Variants in LRBA observed in about 807,000 individuals in gnomAD.
LRBA encodes LPS responsive beige-like anchor protein.
A neutral mutation model predicts 330.0 loss-of-function variants in LRBA; 176 were observed. The observed-to-expected ratio is 0.53, with a 90% CI of 0.47 to 0.60. LRBA has a LOEUF of 0.60. Among genes scored for constraint, LRBA ranks in the 20% least tolerant of loss-of-function variants. LRBA has a pLI of 0.00. For missense variants in LRBA, 3,259 were observed against 3,444.8 expected, an observed-to-expected ratio of 0.95 and a Z score of 1.35; for synonymous variants, 1,230 against 1,193.0, an observed-to-expected ratio of 1.03 and a Z score of -0.64.
chr4:150,963,369 T>C (rs1351365069), intron 2 of LRBA, among the ~76,000 whole-genome samples: 3 of 149,588 alleles, frequency 2.0e-5, no homozygotes, highest in South Asian at 4.1e-4. Context: ...TATTTTTTGG[T>C]GGAGACGGGG....
At chr4:150,938,781 C>G (rs181140647) in intron 2 of LRBA, among the ~76,000 whole-genome samples, 7 of 152,228 alleles carry the variant, frequency 4.6e-5, no homozygotes, top group African/African-American at 1.7e-4. Context: ...GCCACACTAG[C>G]CCGCTACCCA....
chr4:150,934,963 G>A (rs1734931193), intron 2 of LRBA, among the ~76,000 whole-genome samples: 1 of 151,028 alleles, frequency 6.6e-6, no homozygotes, highest in Non-Finnish European at 1.5e-5. Flanking sequence ...AGCCGAGATC[G>A]CGCCATTGCA....
intron 37 of LRBA, among the ~76,000 whole-genome samples, chr4:150,613,779 C>A (rs913523836): frequency 1.3e-5 from 2 of 152,216 alleles, no homozygotes; most frequent in Non-Finnish European, 2.9e-5. Context: ...CAGTTATGCT[C>A]TTTGCACATT....
intron 17 of LRBA, among the ~76,000 whole-genome samples, chr4:150,879,445 G>A (rs897766072): frequency 2.0e-5 from 3 of 152,070 alleles, no homozygotes; most frequent in African/African-American, 7.2e-5. Flanking sequence ...GCATTCCTTT[G>A]AGAACTGGAG....
chr4:150,584,677 ATTACT>A (rs2126411492), intron 40 of LRBA: 1 of 167,172 alleles, frequency 6.0e-6, no homozygotes, highest in African/African-American at 2.4e-5. Context: ...TAATAAAAAC[ATTACT>A]TTACATTGTA....
chr4:150,693,371 G>A (rs1345153847), intron 36 of LRBA, among the ~76,000 whole-genome samples: 3 of 151,592 alleles, frequency 2.0e-5, no homozygotes, highest in Non-Finnish European at 4.4e-5. Context: ...AGACCATCCC[G>A]GCTAAAACGG....
At chr4:150,514,909 T>C (rs1762182564) in intron 40 of LRBA, among the ~76,000 whole-genome samples, 1 of 152,164 alleles carries the variant, frequency 6.6e-6, no homozygotes, top group Admixed American at 6.5e-5. Flanking sequence ...CCTGGTAGTG[T>C]ACTAGGAGGC....
chr4:150,605,357 T>C (rs1383216903), intron 37 of LRBA, among the ~76,000 whole-genome samples: 2 of 152,144 alleles, frequency 1.3e-5, no homozygotes, highest in African/African-American at 4.8e-5. Context: ...ATTAGAAAAT[T>C]TTCCCATTTT....
chr4:150,327,236 T>C (rs1335276088), intron 48 of LRBA, among the ~76,000 whole-genome samples: 1 of 151,958 alleles, frequency 6.6e-6, no homozygotes, highest in Non-Finnish European at 1.5e-5. Context: ...ACGGCCTACA[T>C]AGTAAGACCC....
At chr4:150,708,976 G>T (rs1488894631) in intron 36 of LRBA, among the ~76,000 whole-genome samples, 1 of 151,650 alleles carries the variant, frequency 6.6e-6, no homozygotes, top group African/African-American at 2.4e-5. Context: ...GGCTATTCAT[G>T]ACCTTTAAAT....
Position 150,817,155 on chromosome 4 carries a change from G to A in LRBA, c.5274C>T (p.Ala1758=). The A allele has an allele frequency of 6.2e-7, 1 of 1,611,990 alleles. No homozygotes were observed. The highest frequency in any genetic ancestry group is 8.5e-7 in the Non-Finnish European group (1 of 1,178,584). ...ATTCTCCTCCCATATCTGAGGCTTG[G>A]GCTGAATCTACTGAGGAAACCACAC... is the stretch of plus-strand genomic sequence containing the variant. ...AVSVVSSVDS[A]QASDMGGESP... The change falls in exon 31 of 57, where the codon GCC becomes GCT. Residue 1758 remains alanine, a synonymous_variant. Transcript: ENST00000651943.
intron 46 of LRBA, 36 bp downstream of exon 46, chr4:150,435,553 T>C: frequency 6.3e-7 from 1 of 1,581,262 alleles, no homozygotes; most frequent in Non-Finnish European, 8.6e-7. Context: ...AGTAATGCAC[T>C]GGCAATAACA....
At chr4:150,487,014 C>T (rs1757958083) in intron 42 of LRBA, among the ~76,000 whole-genome samples, 1 of 151,760 alleles carries the variant, frequency 6.6e-6, no homozygotes, top group Admixed American at 6.6e-5. Flanking sequence ...ATATATACAA[C>T]CAAAATTTCT....
At chr4:150,549,478 C>T (rs1465391647) in intron 40 of LRBA, among the ~76,000 whole-genome samples, 2 of 151,880 alleles carry the variant, frequency 1.3e-5, no homozygotes, top group East Asian at 3.9e-4. Context: ...ACTACAGGTG[C>T]CCGTCACCAC....
intron 48 of LRBA, among the ~76,000 whole-genome samples, chr4:150,326,234 T>C (rs549530059): frequency 6.6e-6 from 1 of 152,306 alleles, no homozygotes; most frequent in Admixed American, 6.5e-5. Flanking sequence ...TCCCCAATGA[T>C]GAAAAGCTAA....
intron 37 of LRBA, among the ~76,000 whole-genome samples, chr4:150,673,301 T>A (rs2126875076): frequency 6.6e-6 from 1 of 152,332 alleles, no homozygotes; most frequent in African/African-American, 2.4e-5. Flanking sequence ...GAATTTCTAA[T>A]TCGGCATATA....
At chr4:150,412,436 C>T (rs17504442) in intron 47 of LRBA, among the ~76,000 whole-genome samples, 23,581 of 152,110 alleles carry the variant, frequency 0.16, 1,833 homozygotes, top group Non-Finnish European at 0.17. Context: ...ACGTAAACCA[C>T]AATCTTCTTT....
chr4:150,964,240 G>A (rs1413783185), intron 2 of LRBA, among the ~76,000 whole-genome samples: 1 of 147,570 alleles, frequency 6.8e-6, no homozygotes, highest in Non-Finnish European at 1.5e-5. Context: ...CCCTGTCTGG[G>A]AGATGGGGGG....
At chr4:150,856,336 C>T (rs571700649) in intron 22 of LRBA, among the ~76,000 whole-genome samples, 1 of 152,168 alleles carries the variant, frequency 6.6e-6, no homozygotes, top group Non-Finnish European at 1.5e-5. Flanking sequence ...ATCTCCCTTT[C>T]TACAGTCCTG....
Sources: gnomAD v4.1 joint callset for allele counts (sites outside exome capture counted in the v4.1 genomes callset) on GRCh38, gnomAD v4.1.1 for gene constraint, MANE v1.5 for transcripts, NCBI Gene and HGNC (gene_info 2026-07-23, HGNC 2026-07-21) for gene names.